The following RYR2 variants were observed in gnomAD, a reference collection of about 807,000 sequenced individuals.
RYR2 encodes ryanodine receptor 2.
Under a neutral mutation model 601.1 loss-of-function variants are expected in RYR2, and 227 were observed. The ratio of observed to expected loss-of-function variants is 0.38; its 90% CI spans 0.34 to 0.42. The LOEUF is 0.42. RYR2 is among the 10% of genes least tolerant of loss of function. RYR2 has a pLI of 1.00. For synonymous variants in RYR2, 2,223 were observed against 2,175.1 expected (o/e 1.02, Z -0.61); for missense variants, 4,646 against 6,156.5 (o/e 0.75, Z 8.21).
chr1:237,784,265 A>AAG lies in RYR2; in HGVS notation c.12555_12556dup (p.Met4186ArgfsTer6), dbSNP rs1695368459. On this transcript the variant is annotated frameshift_variant, in exon 90 of 105. Transcript: ENST00000366574. LOFTEE classifies it high-confidence loss of function. The surrounding 1 kb of genome is among the most constrained non-coding windows in gnomAD (Gnocchi z 7.1). ...GGTCAACGAAGGCGGAGAGAAAGAGAAGATGGAACTCTTTGTGAACTTCTG... is the reference window on the plus strand; with the variant it reads ...GGTCAACGAAGGCGGAGAGAAAGAGAAGAGATGGAACTCTTTGTGAACTTCTG... 6.2e-7 allele frequency: 1 copy of AAG among 1,613,804 alleles called. No homozygotes were observed. The highest frequency in any genetic ancestry group is 1.3e-5 in the African/African-American group (1 of 74,914).
chr1:237,158,382 AAG>A (rs1675630735), intron 1 of RYR2, among the ~76,000 whole-genome samples: 1 of 152,192 alleles, frequency 6.6e-6, no homozygotes, highest in Non-Finnish European at 1.5e-5. Context: ...GTCTGGAAGA[AAG>A]AGATTAGAGT....
At chr1:237,686,238 A>C (rs1037692487) in intron 62 of RYR2, among the ~76,000 whole-genome samples, 1 of 152,216 alleles carries the variant, frequency 6.6e-6, no homozygotes, top group Non-Finnish European at 1.5e-5. Flanking sequence ...GGTACTATAC[A>C]CATGGATCTT....
At chr1:237,546,695 T>C (rs1333504556) in intron 25 of RYR2, among the ~76,000 whole-genome samples, 2 of 152,046 alleles carry the variant, frequency 1.3e-5, no homozygotes, top group African/African-American at 2.4e-5. Context: ...CATAAATTAC[T>C]TACAATATAT....
chr1:237,733,331 T>C (rs568866353), intron 78 of RYR2, among the ~76,000 whole-genome samples: 1 of 152,310 alleles, frequency 6.6e-6, no homozygotes, highest in African/African-American at 2.4e-5. Context: ...TGGGGACTCT[T>C]TCCATCAAAT....
intron 80 of RYR2, among the ~76,000 whole-genome samples, chr1:237,744,578 C>T (rs1691903783): frequency 6.6e-6 from 1 of 151,966 alleles, no homozygotes; most frequent in South Asian, 2.1e-4. Flanking sequence ...ATCACTTGAA[C>T]CTGGGAGAAG....
intron 2 of RYR2, among the ~76,000 whole-genome samples, chr1:237,314,459 A>G (rs1694910749): frequency 6.6e-6 from 1 of 152,228 alleles, no homozygotes; most frequent in African/African-American, 2.4e-5. Flanking sequence ...AAATATATTT[A>G]TAGCTAAAGG....
chr1:237,611,908 G>A (rs1280824367), intron 36 of RYR2, among the ~76,000 whole-genome samples: 1 of 152,026 alleles, frequency 6.6e-6, no homozygotes, highest in Non-Finnish European at 1.5e-5. Flanking sequence ...ATGTGATCTA[G>A]CAATTCTACT....
intron 1 of RYR2, among the ~76,000 whole-genome samples, chr1:237,246,040 A>G (rs1043679260): frequency 1.8e-4 from 28 of 151,590 alleles, no homozygotes; most frequent in African/African-American, 6.8e-4. Context: ...TTGGCCTCCC[A>G]AAGTGCTGGG....
At chr1:237,513,581 A>G (rs949462458) in intron 24 of RYR2, among the ~76,000 whole-genome samples, 1 of 152,206 alleles carries the variant, frequency 6.6e-6, no homozygotes, top group Non-Finnish European at 1.5e-5. Context: ...TGGAGCTGAA[A>G]AATTCCTATA....
intron 35 of RYR2, among the ~76,000 whole-genome samples, chr1:237,603,100 C>T (rs148158125): frequency 7.9e-5 from 12 of 152,262 alleles, no homozygotes; most frequent in African/African-American, 1.4e-4. Context: ...GACGGGTAAA[C>T]GGCGGGAGTA....
intron 98 of RYR2, among the ~76,000 whole-genome samples, chr1:237,804,645 C>G (rs1660404714): frequency 6.6e-6 from 1 of 152,066 alleles, no homozygotes; most frequent in Admixed American, 6.5e-5. Context: ...AATTATAACC[C>G]AGGAGACTTC....
At chr1:237,748,915 A>C (rs750940421) in intron 80 of RYR2, among the ~76,000 whole-genome samples, 25 of 152,330 alleles carry the variant, frequency 1.6e-4, no homozygotes, top group Non-Finnish European at 3.4e-4. Flanking sequence ...CTACTTACAT[A>C]ACATTTACAT....
intron 1 of RYR2, among the ~76,000 whole-genome samples, chr1:237,192,382 T>C (rs564053959): frequency 8.5e-5 from 13 of 152,140 alleles, no homozygotes; most frequent in Non-Finnish European, 1.3e-4. Context: ...GCTAATTTTT[T>C]TTTTGTATTT....
chr1:237,353,113 AG>A (rs1699000835), intron 3 of RYR2, among the ~76,000 whole-genome samples: 2 of 152,234 alleles, frequency 1.3e-5, no homozygotes, highest in South Asian at 4.1e-4. Context: ...TATGGCTCAA[AG>A]CCTGCCACAT....
intron 10 of RYR2, among the ~76,000 whole-genome samples, chr1:237,402,463 A>G (rs142740892): frequency 0.019 from 2,869 of 152,012 alleles, 49 homozygotes; most frequent in Middle Eastern, 0.061. Context: ...ACAATTTAGT[A>G]GAGAACTGGA....
intron 63 of RYR2, among the ~76,000 whole-genome samples, chr1:237,692,431 T>G (rs10802630): frequency 6.6e-6 from 1 of 152,128 alleles, no homozygotes; most frequent in Non-Finnish European, 1.5e-5. Flanking sequence ...CACACTTCTC[T>G]GATTACACTC....
chr1:237,630,983 A>C (rs1387126729), intron 41 of RYR2, among the ~76,000 whole-genome samples: 1 of 152,196 alleles, frequency 6.6e-6, no homozygotes, highest in Non-Finnish European at 1.5e-5. Flanking sequence ...ATACACAAAT[A>C]CTGAATGTAA....
intron 1 of RYR2, among the ~76,000 whole-genome samples, chr1:237,049,947 G>T (rs577745131): frequency 6.6e-6 from 1 of 152,274 alleles, no homozygotes; most frequent in Admixed American, 6.5e-5. Flanking sequence ...TGTTTCTGGG[G>T]TTTCCCAGAA....
At chr1:237,523,602 T>A (rs1397465586) in intron 24 of RYR2, among the ~76,000 whole-genome samples, 2 of 151,968 alleles carry the variant, frequency 1.3e-5, no homozygotes, top group Non-Finnish European at 1.5e-5. Flanking sequence ...CTGCACGTGG[T>A]GGCAGGCGCC....
Sources: gnomAD v4.1 joint callset for allele counts (sites outside exome capture counted in the v4.1 genomes callset) on GRCh38, gnomAD v4.1.1 for gene constraint, Gnocchi (gnomAD v3.1) non-coding constraint, MANE v1.5 for transcripts, NCBI Gene and HGNC (gene_info 2026-07-23, HGNC 2026-07-21) for gene names.